The following TRIM66 variants were observed in gnomAD, a reference collection of about 807,000 sequenced individuals.
The protein encoded by TRIM66 is tripartite motif containing 66.
TRIM66 carries 99 observed loss-of-function variants against 148.2 expected under a neutral mutation model. That is an observed-to-expected ratio of 0.67 (90% CI 0.57 to 0.79). The LOEUF is 0.79. Among genes scored for constraint, TRIM66 ranks in the 30% least tolerant of loss-of-function variants. The probability of loss-of-function intolerance (pLI) is 0.00; values close to 1 mark genes in which losing one functional copy is unlikely to be tolerated. For synonymous variants in TRIM66, 616 were observed against 635.9 expected, an observed-to-expected ratio of 0.97 and a Z score of 0.47; for missense variants, 1,666 against 1,697.9, an observed-to-expected ratio of 0.98 and a Z score of 0.33.
chr11:8,622,074 T>C lies in TRIM66; in HGVS notation c.3081-255A>G, dbSNP rs554237646. 3.3e-5 allele frequency among the ~76,000 whole-genome samples: 5 copies of C among 151,834 alleles called. No homozygotes were observed. In the South Asian group the frequency reaches 8.3e-4, roughly 25 times the overall value. ...CCATCTAATCAGCTGCCAGCAAATA[T>C]AAAGCAGGCAGGAAAACATGAAAAG... On this transcript the variant is annotated intron_variant, in intron 18 of 24. Coordinates refer to ENST00000646038, the MANE Select transcript of TRIM66 (RefSeq NM_001388022.1).
At chr11:8,683,186 A>G, upstream of TRIM66, 2 of 1,614,036 alleles carry the variant, frequency 1.2e-6, no homozygotes, top group East Asian at 4.5e-5. Flanking sequence ...CTTACCACCA[A>G]GCTTTTTCCA....
Position 8,640,726 on chromosome 11 carries a change from T to G in TRIM66, c.1649A>C (p.Gln550Pro). The change falls in exon 14 of 25, where the codon CAG becomes CCG. Residue 550 changes from glutamine (Q) to proline (P), a missense_variant. By Grantham distance (76) the Gln-to-Pro change is moderately conservative. Transcript: ENST00000646038. The stretch of plus-strand genomic sequence containing the variant: ...AATGCACACGGGCTGGGAAGTCAGC[T>G]GCTGCCCCAGCCGCTGGGATGTGCT... ...QESTSQRLGQ[Q>P]LTSQPVCIVP... is the part of the protein sequence containing the mutation. 1 of 1,551,556 alleles carries G rather than the reference T, an allele frequency of 6.4e-7. No homozygotes were observed. Among genetic ancestry groups the G allele is most frequent in the Non-Finnish European group, 8.7e-7 (1 of 1,146,980 alleles).
upstream of TRIM66, chr11:8,682,901 T>G: frequency 3.4e-6 from 5 of 1,458,844 alleles, no homozygotes; most frequent in Non-Finnish European, 4.7e-6. Context: ...ATCCACTCCC[T>G]ACCATGGTCG....
chr11:8,614,236 G>A lies in TRIM66; in HGVS notation c.*3708C>T, dbSNP rs2033581598. 6.6e-6 allele frequency: 1 copy of A among 152,270 alleles called. No individual in the cohort carries two copies. Among genetic ancestry groups the A allele is most frequent in the Non-Finnish European group, 1.5e-5 (1 of 68,136 alleles). The allele number at this position is 152,270 out of a possible 1,614,324, so 9.4% of individuals were successfully genotyped here. The stretch of plus-strand genomic sequence containing the variant: ...CACCTGTAGTCCCAGCTACTCAGGA[G>A]GCTGAGATGGGAGGATCACCTGAGC... On this transcript the variant is annotated 3_prime_UTR_variant, in exon 25 of 25. Coordinates refer to ENST00000646038, the MANE Select transcript of TRIM66 (RefSeq NM_001388022.1).
chr11:8,650,412 A>AAGG (rs1325880425), intron 7 of TRIM66, among the ~76,000 whole-genome samples: 1 of 150,204 alleles, frequency 6.7e-6, no homozygotes, highest in Non-Finnish European at 1.5e-5. Flanking sequence ...AAGGAAGAAG[A>AAGG]AGGAGGAGGA....
chr11:8,667,769 A>G (rs2038692495), intron 6 of TRIM66, among the ~76,000 whole-genome samples: 1 of 152,244 alleles, frequency 6.6e-6, no homozygotes. Flanking sequence ...GCTGAATAAT[A>G]TTCCATTATA....
intron 12 of TRIM66, chr11:8,644,465 T>C: frequency 2.2e-6 from 1 of 452,602 alleles, no homozygotes; most frequent in Non-Finnish European, 4.4e-6. Context: ...CCATAAAGGA[T>C]AAATTACCCC....
At chr11:8,676,733 A>C (rs1422558458) in intron 3 of TRIM66, among the ~76,000 whole-genome samples, 1 of 152,228 alleles carries the variant, frequency 6.6e-6, no homozygotes, top group African/African-American at 2.4e-5. Flanking sequence ...TGCTTTCATC[A>C]TAACTTAGTT....
At chr11:8,639,831 G>C (rs2036206988) in intron 14 of TRIM66, among the ~76,000 whole-genome samples, 1 of 152,168 alleles carries the variant, frequency 6.6e-6, no homozygotes, top group Non-Finnish European at 1.5e-5. Flanking sequence ...CCCTCCCCCT[G>C]TCTGGGATTC....
In TRIM66 at chr11:8,625,203, C is replaced by T. The variant is rs2034701394; in HGVS notation, c.2336G>A (p.Gly779Asp). 1 of 1,514,736 alleles carries T rather than the reference C, an allele frequency of 6.6e-7. No individual in the cohort carries two copies. Among genetic ancestry groups the T allele is most frequent in the South Asian group, 1.3e-5 (1 of 77,022 alleles). 93.8% of individuals were successfully genotyped at this position (1,514,736 alleles called of 1,614,324 possible). The part of the protein sequence containing the change: ...RKHSTSLSIM[G>D]FSNTLEMELS... ...CTCCATCTCCAGAGTGTTGGAAAAG[C>T]CCATGATGCTCAGCGAGGTGGAGTG... is the stretch of plus-strand genomic sequence containing the variant. The change falls in exon 16 of 25, where the codon GGC becomes GAC. Residue 779 changes from glycine to aspartate, a missense_variant. By Grantham distance (94) the Gly-to-Asp change is moderately conservative. Around this residue, in one of 3 missense-constraint regions of TRIM66, gnomAD observed 1,431 missense variants for 1,412.4 expected, o/e 1.01. Coordinates refer to ENST00000646038, the MANE Select transcript of TRIM66 (RefSeq NM_001388022.1).
At chr11:8,683,074 C>T (rs1470010195), upstream of TRIM66, 4 of 1,042,040 alleles carry the variant, frequency 3.8e-6, no homozygotes, top group Non-Finnish European at 5.9e-6. Flanking sequence ...GGATCGGTAC[C>T]CTCAGCTTTC....
At chr11:8,621,927 T>C (rs1443794080) in intron 18 of TRIM66, 108 bp from the exon 19 acceptor site, 11 of 1,106,592 alleles carry the variant, frequency 9.9e-6, no homozygotes, top group African/African-American at 3.2e-5. Context: ...GAGTGTCAAC[T>C]TGATTGGATT....
upstream of TRIM66, chr11:8,682,741 T>C (rs2039504231): frequency 1.9e-6 from 3 of 1,603,760 alleles, no homozygotes; most frequent in Admixed American, 1.7e-5. Context: ...AAGTGAGGCG[T>C]TTTGCCCCGC....
Position 8,622,958 on chromosome 11 carries a change from C to T in TRIM66, c.3020-82G>A, listed in dbSNP as rs1182546344. 4 of 1,204,694 alleles carry T rather than the reference C, an allele frequency of 3.3e-6. No homozygotes were observed. The South Asian group carries it at 5.2e-5, about 16-fold the overall frequency. The allele number at this position is 1,204,694 out of a possible 1,614,324, so 74.6% of individuals were successfully genotyped here. A position where few individuals can be genotyped will look rare whatever the true frequency, so the allele number is the denominator to read the frequency against. ...CATGCATATCTTCTACTTATATCTG[C>T]TATTCATACCTTTGGCCACACATCT... On this transcript the variant is annotated intron_variant, in intron 17 of 24. Transcript: ENST00000646038.
In TRIM66 at chr11:8,620,576, C is replaced by T. The variant is rs748558605; in HGVS notation, c.3546-4G>A. 6.4e-7 allele frequency: 1 copy of T among 1,551,604 alleles called. No homozygotes were observed. Among genetic ancestry groups the T allele is most frequent in the Non-Finnish European group, 8.7e-7 (1 of 1,146,988 alleles). ...CAAGGTACACACCCACTCTCCCCTG[C>T]AGGGGCAGGTGAGGCCATGTTAGGC... On this transcript the variant is annotated splice_region_variant and splice_polypyrimidine_tract_variant and intron_variant, in intron 20 of 24. Coordinates refer to ENST00000646038, the MANE Select transcript of TRIM66 (RefSeq NM_001388022.1).
chr11:8,619,999 C>T, intron 22 of TRIM66, 51 bp downstream of exon 22: 1 of 1,493,596 alleles, frequency 6.7e-7, no homozygotes. Flanking sequence ...GCAGTATAGG[C>T]ACAAATCCAC....
At chr11:8,632,271 G>T (rs1302520228) in intron 15 of TRIM66, among the ~76,000 whole-genome samples, 3 of 151,964 alleles carry the variant, frequency 2.0e-5, no homozygotes, top group African/African-American at 4.8e-5. Flanking sequence ...TCATGCCACT[G>T]CACTCCAACC....
At chr11:8,628,517 G>A (rs1200943867) in intron 15 of TRIM66, among the ~76,000 whole-genome samples, 1 of 151,298 alleles carries the variant, frequency 6.6e-6, no homozygotes, top group Admixed American at 6.6e-5. Context: ...GGAGGCTAAG[G>A]TGGGAGGATT....
At chr11:8,629,931 T>C (rs1260034696) in intron 15 of TRIM66, among the ~76,000 whole-genome samples, 1 of 152,226 alleles carries the variant, frequency 6.6e-6, no homozygotes, top group Non-Finnish European at 1.5e-5. Flanking sequence ...ACCCCATTTT[T>C]ACAGGCTATG....
Sources: gnomAD v4.1 joint callset for allele counts (sites outside exome capture counted in the v4.1 genomes callset) on GRCh38, gnomAD v4.1.1 for gene constraint, gnomAD v4.1.1 regional missense constraint, MANE v1.5 for transcripts, NCBI Gene and HGNC (gene_info 2026-07-23, HGNC 2026-07-21) for gene names.